Variants in IL2RB observed in about 807,000 individuals in gnomAD.
IL2RB encodes interleukin-2 receptor subunit beta.
IL2RB carries 17 observed loss-of-function variants against 44.2 expected under a neutral mutation model. The observed-to-expected ratio is 0.38, with a 90% CI of 0.26 to 0.58. The LOEUF is 0.58. Ranked by LOEUF, IL2RB falls within the 20% of genes least tolerant of loss-of-function variation. The probability of loss-of-function intolerance (pLI) is 0.63; values close to 1 mark genes in which losing one functional copy is unlikely to be tolerated. For missense variants in IL2RB, 624 were observed against 685.5 expected (o/e 0.91, Z 1.00); for synonymous variants, 286 against 297.9 (o/e 0.96, Z 0.41).
intron 6 of IL2RB, among the ~76,000 whole-genome samples, chr22:37,136,858 G>A (rs1196864673): frequency 6.6e-6 from 1 of 152,194 alleles, no homozygotes; most frequent in Non-Finnish European, 1.5e-5. Flanking sequence ...TGCCGTGGCA[G>A]GTCTTTCTAA....
At chr22:37,142,324 C>T in intron 4 of IL2RB, 110 bp downstream of exon 4, 1 of 998,608 alleles carries the variant, frequency 1.0e-6, no homozygotes, top group South Asian at 1.4e-5. Flanking sequence ...GCCACAGCCC[C>T]AGCCATTGGG....
chr22:37,167,818 T>G (rs1469476539), intron 1 of IL2RB, among the ~76,000 whole-genome samples: 1 of 152,252 alleles, frequency 6.6e-6, no homozygotes, highest in African/African-American at 2.4e-5. Flanking sequence ...ACAGCTTCTC[T>G]GAGCCTAAAG....
At chr22:37,173,756 G>C (rs5756534) in intron 1 of IL2RB, among the ~76,000 whole-genome samples, 71 of 151,898 alleles carry the variant, frequency 4.7e-4, no homozygotes, top group Non-Finnish European at 6.8e-4. Context: ...TGCCAGGGGG[G>C]GTTGGGGAGG....
At chr22:37,154,219 G>A (rs186739674), upstream of IL2RB, among the ~76,000 whole-genome samples, 2 of 152,218 alleles carry the variant, frequency 1.3e-5, no homozygotes, top group East Asian at 3.9e-4. Flanking sequence ...GACAGGGGAT[G>A]GAGCCGGTTT....
chr22:37,152,214 T>C (rs1173454499), upstream of IL2RB, among the ~76,000 whole-genome samples: 3 of 152,238 alleles, frequency 2.0e-5, no homozygotes, highest in Non-Finnish European at 4.4e-5. Context: ...TAGAATATCT[T>C]TTTATTTTTT....
chr22:37,156,583 A>G (rs573243982), intron 1 of IL2RB, among the ~76,000 whole-genome samples: 1 of 152,280 alleles, frequency 6.6e-6, no homozygotes, highest in East Asian at 1.9e-4. Flanking sequence ...CTGCAGATGG[A>G]AGGGAAAGGA....
At chr22:37,146,231 C>G (rs1312972769) in intron 1 of IL2RB, among the ~76,000 whole-genome samples, 2 of 152,166 alleles carry the variant, frequency 1.3e-5, no homozygotes, top group Admixed American at 1.3e-4. Context: ...GACAACGGCA[C>G]CACCCCATCT....
Position 37,135,407 on chromosome 22 carries a change from G to C in IL2RB, c.739C>G (p.Leu247Val). The C allele has an allele frequency of 1.9e-6, 3 of 1,613,800 alleles. No individual in the cohort carries two copies. Among genetic ancestry groups the C allele is most frequent in the Non-Finnish European group, 1.7e-6 (2 of 1,179,766 alleles). Reference protein sequence around the residue: ...GKDTIPWLGHLLVGLSGAFGF... With the variant: ...GKDTIPWLGHVLVGLSGAFGF... ...AAAGCCCCGCTGAGGCCCACGAGGAGGTGGCCGAGCCACGGAATGGTGTCC... is the reference window on the plus strand; with the variant it reads ...AAAGCCCCGCTGAGGCCCACGAGGACGTGGCCGAGCCACGGAATGGTGTCC... The change falls in exon 8 of 10, where the codon CTC (leucine) becomes GTC (valine). Residue 247 changes from leucine to valine, a missense_variant. Coordinates refer to ENST00000216223, the MANE Select transcript of IL2RB (RefSeq NM_000878.5).
At chr22:37,137,836 TACCCCCCG>T (rs1366039683) in intron 5 of IL2RB, 101 bp from the exon 6 acceptor site, 2 of 1,063,886 alleles carry the variant, frequency 1.9e-6, no homozygotes, top group Non-Finnish European at 2.8e-6. Context: ...CCACCTCCCC[TACCCCCCG>T]ACCCAAAGCC....
At chr22:37,146,146 C>A (rs538192194) in intron 1 of IL2RB, among the ~76,000 whole-genome samples, 2 of 152,132 alleles carry the variant, frequency 1.3e-5, no homozygotes, top group African/African-American at 4.8e-5. Flanking sequence ...TCTCCTCAGA[C>A]AGCAGGACAC....
chr22:37,144,105 C>G lies in IL2RB; in HGVS notation c.68G>C (p.Trp23Ser). Residue 23 changes from tryptophan (W) to serine (S), a missense_variant, in exon 2 of 10, where the codon TGG (tryptophan) becomes TCG (serine). Coordinates refer to ENST00000216223, the MANE Select transcript of IL2RB (RefSeq NM_000878.5). ...CTCACCATTCACCGCTGCAGATGCCCAAGAGGTAGCCAGGGGCAGGAGGAG... is the reference window on the plus strand; with the variant it reads ...CTCACCATTCACCGCTGCAGATGCCGAAGAGGTAGCCAGGGGCAGGAGGAG... The part of the protein sequence containing the change: ...LILLLPLATS[W>S]ASAAVNGTSQ... 1.3e-6 allele frequency: 2 copies of G among 1,552,424 alleles called. No homozygotes were observed. Among genetic ancestry groups the G allele is most frequent in the Non-Finnish European group, 1.7e-6 (2 of 1,147,232 alleles).
chr22:37,132,173 C>G (rs569969996), intron 9 of IL2RB, among the ~76,000 whole-genome samples: 202 of 152,266 alleles, frequency 1.3e-3, no homozygotes, highest in African/African-American at 4.6e-3. Flanking sequence ...GGTCACACAG[C>G]CAGAATGTGG....
rs201817311 is a variant in IL2RB at position 37,139,230 on chromosome 22, G to C, written c.283-8C>G. On this transcript the variant is annotated splice_region_variant and splice_polypyrimidine_tract_variant and intron_variant, in intron 4 of 9. Coordinates refer to ENST00000216223, the MANE Select transcript of IL2RB (RefSeq NM_000878.5). ...TGTGGTCAGTTTCTGAGACTGCAAG[G>C]GAAGGAGGGCAGGGGTGAAACTTCT... The C allele has an allele frequency of 6.3e-7, 1 of 1,597,150 alleles. No individual in the cohort carries two copies.
In IL2RB at chr22:37,128,157, T is replaced by C. The variant is rs1156755082; in HGVS notation, c.1595A>G (p.Asn532Ser). Reference sequence around the variant, plus strand: ...TTGGAGGGACAAGTAGGCATCAGTGTTCAGGGGCAGGCGAGCATTAAGGGC... The same window carrying C: ...TTGGAGGGACAAGTAGGCATCAGTGCTCAGGGGCAGGCGAGCATTAAGGGC... ...FRALNARLPL[N>S]TDAYLSLQEL... The change falls in exon 10 of 10, where the codon AAC becomes AGC. Residue 532 changes from asparagine (N) to serine (S), a missense_variant. Asn to Ser is a conservative substitution (Grantham distance 46). Around this residue, in one of 3 missense-constraint regions of IL2RB, gnomAD observed 291 missense variants for 275.5 expected, o/e 1.06. Coordinates refer to ENST00000216223, the MANE Select transcript of IL2RB (RefSeq NM_000878.5). The surrounding 1 kb of genome is among the most constrained non-coding windows in gnomAD (Gnocchi z 4.5). 3 of 1,577,296 alleles carry C rather than the reference T, an allele frequency of 1.9e-6. No homozygotes were observed. The highest frequency in any genetic ancestry group is 2.6e-6 in the Non-Finnish European group (3 of 1,165,110).
In IL2RB at chr22:37,132,398, C is replaced by T; in HGVS notation, c.889G>A (p.Gly297Arg). 5 of 1,614,082 alleles carry T rather than the reference C, an allele frequency of 3.1e-6. No homozygotes were observed. The highest frequency in any genetic ancestry group is 4.2e-6 in the Non-Finnish European group (5 of 1,179,974). ...KFFSQLSSEH[G>R]GDVQKWLSSP... ...CGGCCTCCTACCTGGACGTCTCCTC[C>T]ATGCTCTGAGCTCAGCTGGGAAAAG... The change falls in exon 9 of 10, where the codon GGA (glycine) becomes AGA (arginine). Residue 297 changes from glycine (G) to arginine (R), a missense_variant. Physicochemically the swap from Gly to Arg is moderately radical, Grantham distance 125. This residue lies in a region of IL2RB where 255 missense variants were observed against 339.9 expected (regional missense o/e 0.75). Coordinates refer to ENST00000216223, the MANE Select transcript of IL2RB (RefSeq NM_000878.5).
At chr22:37,151,947 C>T (rs78995863), upstream of IL2RB, among the ~76,000 whole-genome samples, 6,461 of 152,190 alleles carry the variant, frequency 0.042, 213 homozygotes, top group East Asian at 0.19. Flanking sequence ...TTTACGCTAG[C>T]GCCACGCTGT....
At chr22:37,160,334 C>G (rs1922814786) in intron 1 of IL2RB, among the ~76,000 whole-genome samples, 1 of 152,174 alleles carries the variant, frequency 6.6e-6, no homozygotes, top group African/African-American at 2.4e-5. Flanking sequence ...CCAGTGGGTA[C>G]AGGAGAAGGT....
intron 3 of IL2RB, chr22:37,142,890 G>T (rs1922036454): frequency 5.5e-6 from 2 of 365,694 alleles, no homozygotes; most frequent in Non-Finnish European, 1.1e-5. Flanking sequence ...AGAAGCCAGG[G>T]CCCGAACCTG....
chr22:37,173,361 C>T (rs2145745665), intron 1 of IL2RB, among the ~76,000 whole-genome samples: 1 of 152,276 alleles, frequency 6.6e-6, no homozygotes, highest in Non-Finnish European at 1.5e-5. Flanking sequence ...TTTGGCTCAC[C>T]ACACTGTCCC....
Sources: allele counts gnomAD v4.1 joint callset (sites outside exome capture counted in the v4.1 genomes callset), GRCh38; gene constraint gnomAD v4.1.1; regional missense constraint gnomAD v4.1.1; non-coding constraint Gnocchi (gnomAD v3.1); transcripts MANE v1.5; gene names NCBI Gene and HGNC (gene_info 2026-07-23, HGNC 2026-07-21).